RELN: variants seen among roughly 807,000 people sequenced by gnomAD.
RELN encodes reelin.
Under a neutral mutation model 427.6 loss-of-function variants are expected in RELN, and 108 were observed. The ratio of observed to expected loss-of-function variants is 0.25; its 90% CI spans 0.22 to 0.30. The LOEUF is 0.30. RELN is among the 10% of genes least tolerant of loss of function. The pLI is 1.00. For synonymous variants in RELN, 1,524 were observed against 1,513.4 expected, an observed-to-expected ratio of 1.01 and a Z score of -0.16; for missense variants, 3,715 against 4,302.8, an observed-to-expected ratio of 0.86 and a Z score of 3.82.
intron 24 of RELN, among the ~76,000 whole-genome samples, chr7:103,600,834 C>T (rs1831649216): frequency 6.6e-6 from 1 of 152,158 alleles, no homozygotes; most frequent in African/African-American, 2.4e-5. Flanking sequence ...TTCAATAAGA[C>T]AAATTTGGAA....
At chr7:103,498,854 C>CAT (rs1828928333) in intron 53 of RELN, among the ~76,000 whole-genome samples, 1 of 152,000 alleles carries the variant, frequency 6.6e-6, no homozygotes, top group African/African-American at 2.4e-5. Flanking sequence ...TACCCCCAAA[C>CAT]ATGTATATTT....
chr7:103,762,738 T>C (rs1791334001), intron 4 of RELN, among the ~76,000 whole-genome samples: 1 of 152,226 alleles, frequency 6.6e-6, no homozygotes, highest in African/African-American at 2.4e-5. Flanking sequence ...TGTACATATG[T>C]CATCTTCTTC....
At chr7:103,825,928 C>T (rs145541935) in intron 3 of RELN, among the ~76,000 whole-genome samples, 114 of 151,696 alleles carry the variant, frequency 7.5e-4, no homozygotes, top group Middle Eastern at 3.4e-3. Flanking sequence ...CCTCAAAGTT[C>T]GTGTGTTGGA....
intron 2 of RELN, among the ~76,000 whole-genome samples, chr7:103,889,441 C>G (rs1353217592): frequency 3.3e-5 from 5 of 152,190 alleles, no homozygotes; most frequent in African/African-American, 1.2e-4. Context: ...AAGTGCATAA[C>G]TCACGGAAAG....
At chr7:103,683,537 A>T (rs953487654) in intron 10 of RELN, among the ~76,000 whole-genome samples, 15 of 152,168 alleles carry the variant, frequency 9.9e-5, no homozygotes, top group Non-Finnish European at 2.1e-4. Context: ...GAGCTGAAAA[A>T]TTTCTATCAC....
chr7:103,925,354 T>A (rs1264426414), intron 1 of RELN, among the ~76,000 whole-genome samples: 1 of 152,204 alleles, frequency 6.6e-6, no homozygotes, highest in Non-Finnish European at 1.5e-5. Flanking sequence ...TCTGAATTTT[T>A]AAAAAATTCT....
At chr7:103,586,640 A>G (rs906171385) in intron 28 of RELN, among the ~76,000 whole-genome samples, 16 of 152,174 alleles carry the variant, frequency 1.1e-4, no homozygotes, top group African/African-American at 3.9e-4. Flanking sequence ...AAAACCCTAA[A>G]GACCCTTCCA....
At chr7:103,476,288 C>T (rs1223130933) in intron 64 of RELN, among the ~76,000 whole-genome samples, 1 of 151,956 alleles carries the variant, frequency 6.6e-6, no homozygotes, top group African/African-American at 2.4e-5. Context: ...AGAGTGAAAC[C>T]CCATCTCTAC....
At chr7:103,732,215 G>A (rs370439854) in intron 6 of RELN, among the ~76,000 whole-genome samples, 43 of 152,166 alleles carry the variant, frequency 2.8e-4, no homozygotes, top group African/African-American at 9.2e-4. Flanking sequence ...CTCGGGATAA[G>A]GGAGGATATA....
At chr7:103,572,782 T>G (rs984925098) in intron 30 of RELN, among the ~76,000 whole-genome samples, 1 of 152,094 alleles carries the variant, frequency 6.6e-6, no homozygotes, top group African/African-American at 2.4e-5. Flanking sequence ...CTGTTATAAT[T>G]TAATGGAATT....
intron 44 of RELN, 62 bp from the exon 45 acceptor site, chr7:103,539,389 G>A (rs1390168438): frequency 5.8e-6 from 9 of 1,544,986 alleles, no homozygotes; most frequent in East Asian, 2.3e-5. Context: ...GGAAAGTTCT[G>A]CCTTTTTCGT....
At chr7:103,971,754 C>T (rs984542031) in intron 1 of RELN, among the ~76,000 whole-genome samples, 5 of 152,100 alleles carry the variant, frequency 3.3e-5, no homozygotes, top group African/African-American at 1.2e-4. Context: ...TTGAGCATCA[C>T]TGAATAAATA....
intron 8 of RELN, among the ~76,000 whole-genome samples, chr7:103,720,164 G>A (rs1019106004): frequency 8.1e-5 from 12 of 147,650 alleles, no homozygotes; most frequent in Admixed American, 2.0e-4. Context: ...TGTATATATT[G>A]TATAAACATT....
chr7:103,980,297 A>C (rs1426631621), intron 1 of RELN, among the ~76,000 whole-genome samples: 1 of 152,150 alleles, frequency 6.6e-6, no homozygotes, highest in Non-Finnish European at 1.5e-5. Context: ...TTTCAGGCCA[A>C]CAGTATACTA....
chr7:103,907,021 A>C (rs1795222011), intron 2 of RELN, among the ~76,000 whole-genome samples: 1 of 152,186 alleles, frequency 6.6e-6, no homozygotes, highest in Non-Finnish European at 1.5e-5. Context: ...CCATCCACTA[A>C]ACAACAAAAG....
chr7:103,506,317 C>T lies in RELN; in HGVS notation c.8275-3087G>A, dbSNP rs190191108. ...GTTAAGGGCAGCAAGAGAGAAAGGT[C>T]GGGTTACCCACAAAGGGAAGCCCAT... On this transcript the variant is annotated intron_variant, in intron 51 of 64. Transcript: ENST00000428762. Among the ~76,000 whole-genome samples, 456 of 152,224 alleles carry T rather than the reference C, an allele frequency of 3.0e-3. 2 individuals are homozygous for T. The highest frequency in any genetic ancestry group is 0.011 in the African/African-American group (441 of 41,526).
At chr7:103,907,331 G>T (rs1156235365) in intron 2 of RELN, among the ~76,000 whole-genome samples, 1 of 135,916 alleles carries the variant, frequency 7.4e-6, no homozygotes, top group Non-Finnish European at 1.5e-5. Context: ...CAGGAGAACT[G>T]CTTGAACCCA....
At chr7:103,936,651 C>T (rs1254708193) in intron 1 of RELN, among the ~76,000 whole-genome samples, 1 of 150,748 alleles carries the variant, frequency 6.6e-6, no homozygotes, top group Non-Finnish European at 1.5e-5. Context: ...TTAACTTTTC[C>T]CTCCCCCAAC....
intron 3 of RELN, among the ~76,000 whole-genome samples, chr7:103,801,591 G>A (rs1471690741): frequency 1.3e-5 from 2 of 151,428 alleles, no homozygotes; most frequent in Non-Finnish European, 2.9e-5. Context: ...GGGGTGGGGG[G>A]CAGGGAGAGG....
Sources: gnomAD v4.1 joint callset for allele counts (sites outside exome capture counted in the v4.1 genomes callset) on GRCh38, gnomAD v4.1.1 for gene constraint, MANE v1.5 for transcripts, NCBI Gene and HGNC (gene_info 2026-07-23, HGNC 2026-07-21) for gene names.